The following CSMD1 variants were observed in gnomAD, a reference collection of about 807,000 sequenced individuals.
The protein encoded by CSMD1 is CUB and Sushi multiple domains 1, also known as CUB and sushi domain-containing protein 1.
Under a neutral mutation model 417.5 loss-of-function variants are expected in CSMD1, and 213 were observed. The observed-to-expected ratio is 0.51, with a 90% CI of 0.46 to 0.57. The LOEUF (loss-of-function observed/expected upper bound fraction) is 0.57, where lower values mean the gene tolerates loss of function less well. Among genes scored for constraint, CSMD1 ranks in the 20% least tolerant of loss-of-function variants. The probability of loss-of-function intolerance (pLI) is 0.00; values close to 1 mark genes in which losing one functional copy is unlikely to be tolerated. For missense variants in CSMD1, 6,923 were observed against 4,529.7 expected (o/e 1.53, Z -15.17); for synonymous variants, 2,862 against 1,736.8 (o/e 1.65, Z -16.11).
At chr8:4,418,443 G>A (rs191235388) in intron 3 of CSMD1, among the ~76,000 whole-genome samples, 24 of 152,200 alleles carry the variant, frequency 1.6e-4, no homozygotes, top group African/African-American at 5.8e-4. Context: ...TTTCTCAACA[G>A]CGATGGAGTT....
intron 3 of CSMD1, among the ~76,000 whole-genome samples, chr8:4,305,801 C>G (rs941334251): frequency 6.6e-6 from 1 of 152,124 alleles, no homozygotes; most frequent in African/African-American, 2.4e-5. Context: ...TTTGGGATTT[C>G]AAAAGCAGGA....
Position 4,170,957 on chromosome 8 carries a change from C to T in CSMD1, c.416-138858G>A, listed in dbSNP as rs905383721. Among the ~76,000 whole-genome samples the T allele has an allele frequency of 2.6e-4, 39 of 151,902 alleles. 1 individual carries two copies. The highest frequency in any genetic ancestry group is 8.0e-4 in the African/African-American group (33 of 41,160). The stretch of plus-strand genomic sequence containing the variant: ...AGCTGTGTTACGCAAATGTCATTAT[C>T]CCAGGGCTGCAGTTGACGAACTGAG... On this transcript the variant is annotated intron_variant, in intron 3 of 69. Transcript: ENST00000635120.
chr8:3,483,242 G>C (rs906899889), intron 11 of CSMD1, among the ~76,000 whole-genome samples: 4 of 152,124 alleles, frequency 2.6e-5, no homozygotes, highest in South Asian at 2.1e-4. Context: ...GTCAGAAAAA[G>C]AGAAAGGGAG....
chr8:4,812,883 T>C (rs1563467248), intron 1 of CSMD1, among the ~76,000 whole-genome samples: 1 of 152,156 alleles, frequency 6.6e-6, no homozygotes, highest in Non-Finnish European at 1.5e-5. Flanking sequence ...ATTACACCCT[T>C]GAGAAACAGG....
chr8:4,859,615 T>A lies in CSMD1; in HGVS notation c.85+134717A>T, dbSNP rs1239111773. Among the ~76,000 whole-genome samples, 6 of 152,068 alleles carry A rather than the reference T, an allele frequency of 3.9e-5. 1 individual carries two copies. Among genetic ancestry groups the A allele is most frequent in the Admixed American group, 2.6e-4 (4 of 15,274 alleles). Reference sequence around the variant, plus strand: ...GTGGGCGAAGGACATGAACAGACACTTCTCAAAAGAAGACGTTTATACAGC... The same window carrying A: ...GTGGGCGAAGGACATGAACAGACACATCTCAAAAGAAGACGTTTATACAGC... On this transcript the variant is annotated intron_variant, in intron 1 of 69. Coordinates refer to ENST00000635120, the MANE Select transcript of CSMD1 (RefSeq NM_033225.6).
Position 3,068,633 on chromosome 8 carries a change from A to C in CSMD1, c.7475-15986T>G, listed in dbSNP as rs568111024. ...CTTGGCTTCTGGGGAGGCCTTAGGA[A>C]TCTTTCAAACATGGCAGAAGGCCAA... On this transcript the variant is annotated intron_variant, in intron 49 of 69. Coordinates refer to ENST00000635120, the MANE Select transcript of CSMD1 (RefSeq NM_033225.6). 1.5e-4 allele frequency among the ~76,000 whole-genome samples: 23 copies of C among 152,278 alleles called. 1 individual carries two copies. Among genetic ancestry groups the C allele is most frequent in the African/African-American group, 5.1e-4 (21 of 41,568 alleles).
At chr8:4,083,822 A>G (rs1368689690) in intron 3 of CSMD1, among the ~76,000 whole-genome samples, 2 of 152,226 alleles carry the variant, frequency 1.3e-5, no homozygotes, top group Admixed American at 1.3e-4. Flanking sequence ...AATGGCAACA[A>G]AAGCCAAAAT....
chr8:4,449,832 C>T (rs776596430), intron 2 of CSMD1, among the ~76,000 whole-genome samples: 1 of 152,130 alleles, frequency 6.6e-6, no homozygotes, highest in African/African-American at 2.4e-5. Context: ...CCTACGTTCC[C>T]TATCTCAGTA....
intron 1 of CSMD1, among the ~76,000 whole-genome samples, chr8:4,886,184 T>A (rs1303792475): frequency 4.6e-5 from 7 of 151,900 alleles, no homozygotes; most frequent in Admixed American, 6.6e-5. Context: ...AAAGATCAGG[T>A]TTCACCATGT....
chr8:4,377,340 G>C (rs972564157), intron 3 of CSMD1, among the ~76,000 whole-genome samples: 15 of 152,148 alleles, frequency 9.9e-5, no homozygotes, highest in Non-Finnish European at 2.1e-4. Context: ...GAGGCTTAGA[G>C]CTTACTAATT....
chr8:3,409,668 C>G, intron 12 of CSMD1, 63 bp from the exon 13 acceptor site: 2 of 1,328,280 alleles, frequency 1.5e-6, no homozygotes, highest in Non-Finnish European at 1.0e-6. Flanking sequence ...TTTATCTCTA[C>G]AACTTAGAAA....
intron 25 of CSMD1, among the ~76,000 whole-genome samples, chr8:3,287,305 G>T (rs1253643262): frequency 6.6e-6 from 1 of 151,942 alleles, no homozygotes; most frequent in East Asian, 1.9e-4. Flanking sequence ...GGTTCCATAT[G>T]AACTTTAAAG....
intron 10 of CSMD1, among the ~76,000 whole-genome samples, chr8:3,542,234 G>C (rs1798470500): frequency 6.6e-6 from 1 of 152,052 alleles, no homozygotes; most frequent in African/African-American, 2.4e-5. Flanking sequence ...ATGACTATTT[G>C]TGACATACTG....
chr8:3,256,214 C>A, intron 26 of CSMD1, among the ~76,000 whole-genome samples: 1 of 150,634 alleles, frequency 6.6e-6, no homozygotes, highest in East Asian at 2.0e-4. Context: ...GTAATCCCAA[C>A]TACTCAGGGG....
rs1008179381 is a variant in CSMD1, at chr8:4,866,026, T to C, written c.85+128306A>G. Among the ~76,000 whole-genome samples, 18 of 152,082 alleles carry C rather than the reference T, an allele frequency of 1.2e-4. No individual in the cohort carries two copies. The South Asian group carries it at 2.3e-3, about 19-fold the overall frequency. ...ATCTAAATTTAAAAGGCTGGTATTATGTCATATTAAGTCTCTCAGTTTTTG... is the reference window on the plus strand; with the variant it reads ...ATCTAAATTTAAAAGGCTGGTATTACGTCATATTAAGTCTCTCAGTTTTTG... On this transcript the variant is annotated intron_variant, in intron 1 of 69. Coordinates refer to ENST00000635120, the MANE Select transcript of CSMD1 (RefSeq NM_033225.6).
Position 4,141,278 on chromosome 8 carries a change from G to C in CSMD1, c.416-109179C>G, listed in dbSNP as rs555743952. Among the ~76,000 whole-genome samples the C allele has an allele frequency of 1.1e-3, 173 of 151,178 alleles. 11 individuals are homozygous for C. Among genetic ancestry groups the C allele is most frequent in the African/African-American group, 3.5e-3 (141 of 40,530 alleles). Reference sequence around the variant, plus strand: ...GATGCTGAAATTCCAGCGACCTTCAGGTAGTGAAAAATCCGTAATTCCCAA... The same window carrying C: ...GATGCTGAAATTCCAGCGACCTTCACGTAGTGAAAAATCCGTAATTCCCAA... On this transcript the variant is annotated intron_variant, in intron 3 of 69. Transcript: ENST00000635120.
At chr8:4,404,103 T>C (rs138758475) in intron 3 of CSMD1, among the ~76,000 whole-genome samples, 208 of 152,284 alleles carry the variant, frequency 1.4e-3, no homozygotes, top group African/African-American at 4.6e-3. Context: ...TAGGGAATGG[T>C]ATTTCTCCAG....
chr8:4,916,877 T>G (rs1806100725), intron 1 of CSMD1, among the ~76,000 whole-genome samples: 1 of 152,254 alleles, frequency 6.6e-6, no homozygotes, highest in African/African-American at 2.4e-5. Flanking sequence ...AAAGGAATCC[T>G]TTGTCAGCAT....
chr8:3,960,552 T>G (rs114631244), intron 5 of CSMD1, among the ~76,000 whole-genome samples: 2,220 of 152,216 alleles, frequency 0.015, 56 homozygotes, highest in African/African-American at 0.051. Context: ...AGGAAAGCAT[T>G]TTTAGTCTTG....
Sources: allele counts gnomAD v4.1 joint callset (sites outside exome capture counted in the v4.1 genomes callset), GRCh38; gene constraint gnomAD v4.1.1; transcripts MANE v1.5; gene names NCBI Gene and HGNC (gene_info 2026-07-23, HGNC 2026-07-21).